The following GRIFIN variants were observed in gnomAD, a reference collection of about 807,000 sequenced individuals.
The protein encoded by GRIFIN is galectin-related inter-fiber protein.
In GRIFIN, 22 loss-of-function variants were observed where a neutral mutation model predicts 18.2. That is an observed-to-expected ratio of 1.21 (90% CI 0.86 to 1.73). The LOEUF is 1.73. Ranked by LOEUF, GRIFIN falls within the 40% of genes most tolerant of loss-of-function variation. The pLI is 0.00. For missense variants in GRIFIN, 200 were observed against 190.1 expected (o/e 1.05, Z -0.31); for synonymous variants, 101 against 82.8 (o/e 1.22, Z -1.19).
chr7:2,475,605 C>T, intron 3 of GRIFIN, 64 bp downstream of exon 3: 1 of 1,434,342 alleles, frequency 7.0e-7, no homozygotes, highest in Non-Finnish European at 9.1e-7. Flanking sequence ...CCGCTGCCCA[C>T]TGGCCCCCTG....
rs1189948081 is a variant in GRIFIN at position 2,475,632 on chromosome 7, C to T, written c.252+37G>A. The T allele has an allele frequency of 5.5e-6, 8 of 1,447,016 alleles. No individual in the cohort carries two copies. The South Asian group carries it at 1.1e-4, about 20-fold the overall frequency. The allele number at this position is 1,447,016 out of a possible 1,614,324, so 89.6% of individuals were successfully genotyped here. On this transcript the variant is annotated intron_variant, in intron 3 of 4. Coordinates refer to ENST00000614228, the MANE Select transcript of GRIFIN (RefSeq NM_001394787.1). ...GGCCCCCTGTTCCCCCACGGGCCTT[C>T]CCTGCCTAGCCCAGGCCCCACCCAG...
intron 3 of GRIFIN, 83 bp from the exon 4 acceptor site, chr7:2,475,390 C>T (rs976475360): frequency 1.2e-5 from 18 of 1,470,940 alleles, no homozygotes; most frequent in East Asian, 7.5e-5. Flanking sequence ...ATGTGCCTGC[C>T]GGCCGTCTCC....
intron 2 of GRIFIN, 41 bp downstream of exon 2, chr7:2,475,878 AC>A (rs1778955502): frequency 6.3e-7 from 1 of 1,588,466 alleles, no homozygotes; most frequent in South Asian, 1.1e-5. Flanking sequence ...TGGGCCGGCC[AC>A]CCAGCCCAAG....
rs750504157 is a variant in GRIFIN at position 2,476,010 on chromosome 7, G to C, written c.13-11C>G. The stretch of plus-strand genomic sequence containing the variant: ...ACAGAAGGCTTTAGACTGAGTGGAA[G>C]AGACAGGGGGACCAGCCTCATGGGG... On this transcript the variant is annotated splice_polypyrimidine_tract_variant and intron_variant, in intron 1 of 4. Coordinates refer to ENST00000614228, the MANE Select transcript of GRIFIN (RefSeq NM_001394787.1). The C allele has an allele frequency of 1.3e-6, 2 of 1,595,632 alleles. No homozygotes were observed. Among genetic ancestry groups the C allele is most frequent in the South Asian group, 1.1e-5 (1 of 90,864 alleles).
In GRIFIN at chr7:2,475,965, C is replaced by A; in HGVS notation, c.47G>T (p.Gly16Val). The A allele has an allele frequency of 1.3e-6, 2 of 1,598,220 alleles. No homozygotes were observed. Among genetic ancestry groups the A allele is most frequent in the Non-Finnish European group, 1.7e-6 (2 of 1,179,650 alleles). ...ATGTCCCTGGACCAGCAGCTTCCAGCCGGGGGCCAGGCCGCCCGCACAGAA... is the reference window on the plus strand; with the variant it reads ...ATGTCCCTGGACCAGCAGCTTCCAGACGGGGGCCAGGCCGCCCGCACAGAA... Reference protein sequence around the residue: ...KAFCAGGLAPGWKLLVQGHAD... With the variant: ...KAFCAGGLAPVWKLLVQGHAD... Residue 16 changes from glycine to valine, a missense_variant, in exon 2 of 5, where the codon GGC becomes GTC. By Grantham distance (109) the Gly-to-Val change is moderately radical. Transcript: ENST00000614228.
chr7:2,474,783 C>T lies in GRIFIN; in HGVS notation c.*87G>A, dbSNP rs1583248769. 2 of 456,858 alleles carry T rather than the reference C, an allele frequency of 4.4e-6. No individual in the cohort carries two copies. The highest frequency in any genetic ancestry group is 1.2e-4 in the South Asian group (2 of 16,302). 28.3% of individuals were successfully genotyped at this position (456,858 alleles called of 1,614,324 possible). A position where few individuals can be genotyped will look rare whatever the true frequency, so the allele number is the denominator to read the frequency against. On this transcript the variant is annotated 3_prime_UTR_variant, in exon 5 of 5. Transcript: ENST00000614228. ...TGCGAGGAGCACACAGGACCACAGA[C>T]CCCCTCACCCAGCTGCCCCAGGGTG...
intron 1 of GRIFIN, 96 bp from the exon 2 acceptor site, chr7:2,476,095 C>T: frequency 1.8e-6 from 2 of 1,084,058 alleles, no homozygotes; most frequent in Admixed American, 2.3e-5. Flanking sequence ...AGGAAGGTCC[C>T]TGCCCACCCA....
chr7:2,475,170 C>A lies in GRIFIN; in HGVS notation c.390G>T (p.Val130=). Residue 130 remains valine, a synonymous_variant, in exon 4 of 5, where the codon GTG becomes GTT. Coordinates refer to ENST00000614228, the MANE Select transcript of GRIFIN (RefSeq NM_001394787.1). ...AGCTCAGGCCCCTCTTGGCCAGCTC[C>A]ACCTGGGCCAGGCAGTGGTCACTCA... is the stretch of plus-strand genomic sequence containing the variant. ...RVLSDHCLAQ[V]ELAKRGLSWG... 2 of 1,590,194 alleles carry A rather than the reference C, an allele frequency of 1.3e-6. No individual in the cohort carries two copies. Among genetic ancestry groups the A allele is most frequent in the East Asian group, 2.2e-5 (1 of 44,452 alleles).
intron 2 of GRIFIN, 32 bp downstream of exon 2, chr7:2,475,888 A>G (rs375293536): frequency 1.3e-6 from 2 of 1,593,338 alleles, no homozygotes; most frequent in Non-Finnish European, 1.7e-6. Flanking sequence ...ACCCAGCCCA[A>G]GGCCCAGCGA....
chr7:2,475,391 G>C, intron 3 of GRIFIN, 84 bp from the exon 4 acceptor site: 1 of 1,469,802 alleles, frequency 6.8e-7, no homozygotes, highest in Non-Finnish European at 9.1e-7. Flanking sequence ...TGTGCCTGCC[G>C]GCCGTCTCCA....
At chr7:2,475,609 C>A in intron 3 of GRIFIN, 60 bp downstream of exon 3, 5 of 1,433,816 alleles carry the variant, frequency 3.5e-6, no homozygotes, top group Non-Finnish European at 4.6e-6. Flanking sequence ...TGCCCACTGG[C>A]CCCCTGTTCC....
At position 2,475,297 on chromosome 7, in the gene GRIFIN, C is replaced by G; in HGVS notation, c.263G>C (p.Ser88Thr). ...GACGTGGAAGTGCTCCGCGTCCCAGCTGACCTCTATCTGGGCAGGCTGGGG... is the reference window on the plus strand; with the variant it reads ...GACGTGGAAGTGCTCCGCGTCCCAGGTGACCTCTATCTGGGCAGGCTGGGG... ...APGEPFEIEVSWDAEHFHVYA... is the reference protein window; with the variant it reads ...APGEPFEIEVTWDAEHFHVYA... The change falls in exon 4 of 5, where the codon AGC becomes ACC. Residue 88 changes from serine to threonine, a missense_variant. Coordinates refer to ENST00000614228, the MANE Select transcript of GRIFIN (RefSeq NM_001394787.1). The G allele has an allele frequency of 6.3e-7, 1 of 1,593,368 alleles. No homozygotes were observed. The highest frequency in any genetic ancestry group is 8.5e-7 in the Non-Finnish European group (1 of 1,177,504).
intron 3 of GRIFIN, 151 bp downstream of exon 3, chr7:2,475,518 C>T: frequency 1.7e-6 from 2 of 1,168,362 alleles, no homozygotes; most frequent in Non-Finnish European, 2.3e-6. Context: ...ACCTACTGCA[C>T]ACGTAGGGAA....
chr7:2,475,260 C>T lies in GRIFIN; in HGVS notation c.300G>A (p.Glu100=). 6.3e-7 allele frequency: 1 copy of T among 1,597,216 alleles called. No homozygotes were observed. Among genetic ancestry groups the T allele is most frequent in the Non-Finnish European group, 8.5e-7 (1 of 1,179,074 alleles). The part of the protein sequence containing the change: ...DAEHFHVYAP[E]HKVLQFPCRQ... Reference sequence around the variant, plus strand: ...GGCATGGGAACTGTAGCACCTTGTGCTCCGGGGCGTAGACGTGGAAGTGCT... The same window carrying T: ...GGCATGGGAACTGTAGCACCTTGTGTTCCGGGGCGTAGACGTGGAAGTGCT... Residue 100 remains glutamate, a synonymous_variant, in exon 4 of 5, where the codon GAG becomes GAA. Coordinates refer to ENST00000614228, the MANE Select transcript of GRIFIN (RefSeq NM_001394787.1).
Position 2,475,980 on chromosome 7 carries a change from C to G in GRIFIN, c.32G>C (p.Gly11Ala). The change falls in exon 2 of 5, where the codon GGC (glycine) becomes GCC (alanine). Residue 11 changes from glycine to alanine, a missense_variant. Gly to Ala is a moderately conservative substitution (Grantham distance 60). Coordinates refer to ENST00000614228, the MANE Select transcript of GRIFIN (RefSeq NM_001394787.1). MAVQSKAFCA[G>A]GLAPGWKLLV... ...CAGCTTCCAGCCGGGGGCCAGGCCG[C>G]CCGCACAGAAGGCTTTAGACTGAGT... The G allele has an allele frequency of 6.3e-7, 1 of 1,598,116 alleles. No homozygotes were observed.
In GRIFIN at chr7:2,475,988, G is replaced by A. The variant is rs1477684504; in HGVS notation, c.24C>T (p.Phe8=). The A allele has an allele frequency of 1.3e-5, 21 of 1,597,818 alleles. No homozygotes were observed. The highest frequency in any genetic ancestry group is 1.7e-4 in the Middle Eastern group (1 of 5,992). The change falls in exon 2 of 5, where the codon TTC becomes TTT. Residue 8 remains phenylalanine, a synonymous_variant. Transcript: ENST00000614228. MAVQSKA[F]CAGGLAPGWK... is the part of the protein sequence containing the mutation. Reference sequence around the variant, plus strand: ...AGCCGGGGGCCAGGCCGCCCGCACAGAAGGCTTTAGACTGAGTGGAAGAGA... The same window carrying A: ...AGCCGGGGGCCAGGCCGCCCGCACAAAAGGCTTTAGACTGAGTGGAAGAGA...
chr7:2,475,670 T>A lies in GRIFIN; in HGVS notation c.251A>T (p.Glu84Val). The A allele has an allele frequency of 6.7e-7, 1 of 1,499,940 alleles. No homozygotes were observed. The highest frequency in any genetic ancestry group is 8.9e-7 in the Non-Finnish European group (1 of 1,124,504). The allele number at this position is 1,499,940 out of a possible 1,614,324, so 92.9% of individuals were successfully genotyped here. A position where few individuals can be genotyped will look rare whatever the true frequency, so the allele number is the denominator to read the frequency against. ...AGGCCCCACCCAGGCCCCTGTCACC[T>A]CAAAGGGCTCCCCCGGGGCCAGCGG... is the stretch of plus-strand genomic sequence containing the variant. ...IFPLAPGEPFEIEVSWDAEHF... is the reference protein window; with the variant it reads ...IFPLAPGEPFVIEVSWDAEHF... Residue 84 changes from glutamate to valine, a missense_variant and splice_region_variant, in exon 3 of 5, where the codon GAG (glutamate) becomes GTG (valine). Coordinates refer to ENST00000614228, the MANE Select transcript of GRIFIN (RefSeq NM_001394787.1).
At chr7:2,476,118 C>T (rs1399336835) in intron 1 of GRIFIN, 119 bp from the exon 2 acceptor site, 1 of 914,010 alleles carries the variant, frequency 1.1e-6, no homozygotes, top group African/African-American at 1.7e-5. Context: ...CTGCCCCCAA[C>T]CCAGTGCCAG....
At chr7:2,476,225 G>T in intron 1 of GRIFIN, 147 bp downstream of exon 1, 1 of 1,036,404 alleles carries the variant, frequency 9.6e-7, no homozygotes, top group East Asian at 2.6e-5. Flanking sequence ...AGCTCTGGGG[G>T]GACCTTCACC....
Sources: gnomAD v4.1 joint callset for allele counts on GRCh38, gnomAD v4.1.1 for gene constraint, MANE v1.5 for transcripts, NCBI Gene and HGNC (gene_info 2026-07-23, HGNC 2026-07-21) for gene names.